Variants in DPP10 observed in about 807,000 individuals in gnomAD.
DPP10 encodes the protein dipeptidyl peptidase like 10, also known as inactive dipeptidyl peptidase 10.
In DPP10, 33 loss-of-function variants were observed where a neutral mutation model predicts 120.9. The ratio of observed to expected loss-of-function variants is 0.27; its 90% confidence interval spans 0.21 to 0.37. DPP10 has a LOEUF of 0.37. Among genes scored for constraint, DPP10 ranks in the 10% least tolerant of loss-of-function variants. DPP10 has a pLI of 1.00. For synonymous variants in DPP10, 337 were observed against 326.1 expected (o/e 1.03, Z -0.36); for missense variants, 816 against 942.8 (o/e 0.87, Z 1.76).
intron 1 of DPP10, among the ~76,000 whole-genome samples, chr2:114,772,677 G>C (rs1681377415): frequency 6.8e-6 from 1 of 146,652 alleles, no homozygotes; most frequent in Non-Finnish European, 1.5e-5. Context: ...TTTTTTTTCA[G>C]CTAAAGCATA....
At chr2:115,682,763 A>G (rs2090744870) in intron 5 of DPP10, among the ~76,000 whole-genome samples, 1 of 151,900 alleles carries the variant, frequency 6.6e-6, no homozygotes, top group African/African-American at 2.4e-5. Context: ...TCTAAAGTAA[A>G]ATAAATATAT....
At chr2:115,792,517 A>T (rs1459973773) in intron 19 of DPP10, among the ~76,000 whole-genome samples, 1 of 152,082 alleles carries the variant, frequency 6.6e-6, no homozygotes, top group East Asian at 1.9e-4. Flanking sequence ...AGCTTTATAT[A>T]GTTTCTCATA....
At chr2:115,259,504 A>G (rs2059156138) in intron 1 of DPP10, among the ~76,000 whole-genome samples, 1 of 151,846 alleles carries the variant, frequency 6.6e-6, no homozygotes, top group Admixed American at 6.6e-5. Context: ...AAAAAGAAAG[A>G]AAGAATAGCA....
chr2:115,738,435 G>T lies in DPP10; in HGVS notation c.698-1304G>T, dbSNP rs1271688902. ...ATCATCATTGTTGTAGCAAGTAAGT[G>T]CTACAACACTTACTTGCTATAACTA... is the stretch of plus-strand genomic sequence containing the variant. On this transcript the variant is annotated intron_variant, in intron 8 of 25. Transcript: ENST00000410059. Among the ~76,000 whole-genome samples, 5 of 152,034 alleles carry T rather than the reference G, an allele frequency of 3.3e-5. No individual in the cohort carries two copies. In the East Asian group the frequency reaches 5.8e-4, roughly 18 times the overall value.
chr2:114,636,851 G>A (rs1224503464), intron 1 of DPP10, among the ~76,000 whole-genome samples: 1 of 151,776 alleles, frequency 6.6e-6, no homozygotes, highest in East Asian at 1.9e-4. Flanking sequence ...CATAAAGAGG[G>A]ATTCACTTTG....
At chr2:114,643,931 A>AT (rs1313618696) in intron 1 of DPP10, among the ~76,000 whole-genome samples, 251 of 129,328 alleles carry the variant, frequency 1.9e-3, no homozygotes, top group African/African-American at 7.5e-3. Context: ...ATATATATAT[A>AT]TATATTTTTT....
chr2:115,609,464 T>C (rs2083940319), intron 5 of DPP10, among the ~76,000 whole-genome samples: 1 of 152,090 alleles, frequency 6.6e-6, no homozygotes, highest in African/African-American at 2.4e-5. Flanking sequence ...ATTCCAGGAT[T>C]CCATTTTTTA....
At chr2:114,671,361 A>G (rs1339478240) in intron 1 of DPP10, among the ~76,000 whole-genome samples, 1 of 152,072 alleles carries the variant, frequency 6.6e-6, no homozygotes, top group African/African-American at 2.4e-5. Context: ...TATAGTTTGG[A>G]TATTCGTCTC....
At chr2:114,924,534 A>G (rs1002421550) in intron 1 of DPP10, among the ~76,000 whole-genome samples, 1 of 152,032 alleles carries the variant, frequency 6.6e-6, no homozygotes, top group Non-Finnish European at 1.5e-5. Context: ...TCAAAAAAAA[A>G]AAAGAAAGAG....
chr2:114,774,300 A>G (rs1338808670), intron 1 of DPP10, among the ~76,000 whole-genome samples: 1 of 152,066 alleles, frequency 6.6e-6, no homozygotes, highest in South Asian at 2.1e-4. Context: ...CATGCACTAC[A>G]TTCCATAACC....
At chr2:115,331,138 T>C (rs2062703466) in intron 2 of DPP10, among the ~76,000 whole-genome samples, 1 of 152,200 alleles carries the variant, frequency 6.6e-6, no homozygotes, top group Non-Finnish European at 1.5e-5. Flanking sequence ...AAGAGGTCCT[T>C]CACATCCCTT....
At chr2:115,681,754 CTT>C (rs1038277305) in intron 5 of DPP10, among the ~76,000 whole-genome samples, 4 of 147,886 alleles carry the variant, frequency 2.7e-5, no homozygotes, top group African/African-American at 7.5e-5. Flanking sequence ...CTCTCTCTCT[CTT>C]TCTCTTTCTC....
At chr2:115,043,913 G>A (rs1438369227) in intron 1 of DPP10, among the ~76,000 whole-genome samples, 1 of 151,972 alleles carries the variant, frequency 6.6e-6, no homozygotes, top group Non-Finnish European at 1.5e-5. Context: ...AATTTGTATA[G>A]GTATATAGTA....
intron 3 of DPP10, among the ~76,000 whole-genome samples, chr2:115,491,487 A>G (rs1457551404): frequency 6.6e-6 from 1 of 152,094 alleles, no homozygotes; most frequent in Non-Finnish European, 1.5e-5. Context: ...AAGGCTTACC[A>G]GAAGCTTGGA....
At chr2:115,757,091 A>G (rs2149770681) in intron 11 of DPP10, among the ~76,000 whole-genome samples, 1 of 143,866 alleles carries the variant, frequency 7.0e-6, no homozygotes, top group African/African-American at 2.4e-5. Context: ...GTGGGGAGCA[A>G]ATATTCAAAC....
intron 1 of DPP10, among the ~76,000 whole-genome samples, chr2:115,133,141 GTGTGTATA>G (rs202162964): frequency 0.14 from 4,875 of 34,924 alleles, 79 homozygotes; most frequent in Non-Finnish European, 0.16. Flanking sequence ...GTGTGTGTGT[GTGTGTATA>G]TATATATATA....
chr2:114,918,166 C>T (rs187872311), intron 1 of DPP10, among the ~76,000 whole-genome samples: 6 of 152,200 alleles, frequency 3.9e-5, no homozygotes, highest in Admixed American at 2.0e-4. Context: ...TCCCAAAAGA[C>T]GACATGCATG....
rs546844204 is a variant in DPP10, at chr2:115,640,046, G to A, written c.442-49641G>A. ...TGTCACCTACCTAGTAAGTGACTGG[G>A]CCTATACTCTAATTTAGATCTACTT... On this transcript the variant is annotated intron_variant, in intron 5 of 25. Coordinates refer to ENST00000410059, the MANE Select transcript of DPP10 (RefSeq NM_020868.6). Among the ~76,000 whole-genome samples the A allele has an allele frequency of 1.6e-4, 25 of 151,810 alleles. 1 individual carries two copies. In the South Asian group the frequency reaches 5.0e-3, roughly 30 times the overall value.
chr2:115,158,636 C>A (rs1421730683), intron 1 of DPP10, among the ~76,000 whole-genome samples: 3 of 152,040 alleles, frequency 2.0e-5, no homozygotes, highest in African/African-American at 4.8e-5. Flanking sequence ...GGTGATCTCT[C>A]CAGTTCCTTT....
Sources: gnomAD v4.1 joint callset for allele counts (sites outside exome capture counted in the v4.1 genomes callset) on GRCh38, gnomAD v4.1.1 for gene constraint, MANE v1.5 for transcripts, NCBI Gene and HGNC (gene_info 2026-07-23, HGNC 2026-07-21) for gene names.